The following ABCB1 variants were observed in gnomAD, a reference collection of about 807,000 sequenced individuals.
ABCB1 encodes ATP binding cassette subfamily B member 1.
Under a neutral mutation model 142.0 loss-of-function variants are expected in ABCB1, and 69 were observed. The observed-to-expected ratio is 0.49, with a 90% CI of 0.40 to 0.59. The LOEUF (loss-of-function observed/expected upper bound fraction) is 0.59. Ranked by LOEUF, ABCB1 falls within the 20% of genes least tolerant of loss-of-function variation. ABCB1 has a pLI of 0.00. For synonymous variants in ABCB1, 532 were observed against 539.2 expected, an observed-to-expected ratio of 0.99 and a Z score of 0.18; for missense variants, 1,326 against 1,554.7, an observed-to-expected ratio of 0.85 and a Z score of 2.47.
At chr7:87,619,746 ATGTGTG>A (rs778899617) in intron 1 of ABCB1, among the ~76,000 whole-genome samples, 3 of 146,048 alleles carry the variant, frequency 2.1e-5, no homozygotes, top group South Asian at 2.2e-4. Context: ...ACACAAACAC[ATGTGTG>A]TGTGTGTGTG....
chr7:87,660,994 A>G (rs1824647433), intron 1 of ABCB1, among the ~76,000 whole-genome samples: 1 of 152,048 alleles, frequency 6.6e-6, no homozygotes, highest in Non-Finnish European at 1.5e-5. Flanking sequence ...TAAATGTCCC[A>G]TCTTGAGAAG....
chr7:87,699,326 T>A (rs923237033), intron 1 of ABCB1, among the ~76,000 whole-genome samples: 1 of 152,190 alleles, frequency 6.6e-6, no homozygotes, highest in Non-Finnish European at 1.5e-5. Flanking sequence ...CTAAAGAAAG[T>A]ATTAAGATGT....
rs1465156359 is a variant in ABCB1, at chr7:87,550,132, C to G, written c.1350+39G>C. ...ATCAGAAAGATGTGCAATGTGACTG[C>G]TGATCACCGCAGGGTCTAGCTCGCA... is the stretch of plus-strand genomic sequence containing the variant. On this transcript the variant is annotated intron_variant, in intron 12 of 27. Coordinates refer to ENST00000622132, the MANE Select transcript of ABCB1 (RefSeq NM_001348946.2). 4.3e-6 allele frequency: 7 copies of G among 1,614,002 alleles called. No homozygotes were observed. In the East Asian group the frequency reaches 1.6e-4, roughly 36 times the overall value.
At chr7:87,560,315 ATATATT>A (rs1295110618) in intron 8 of ABCB1, among the ~76,000 whole-genome samples, 1 of 152,204 alleles carries the variant, frequency 6.6e-6, no homozygotes, top group African/African-American at 2.4e-5. Flanking sequence ...CTCAGAAGAC[ATATATT>A]TATATGTGTG....
intron 1 of ABCB1, among the ~76,000 whole-genome samples, chr7:87,663,639 A>G (rs1345561599): frequency 6.6e-6 from 1 of 152,186 alleles, no homozygotes; most frequent in Non-Finnish European, 1.5e-5. Context: ...GAAAAATCTT[A>G]CTGAACTTAG....
chr7:87,553,430 C>T (rs1201946691), intron 9 of ABCB1, among the ~76,000 whole-genome samples: 1 of 149,416 alleles, frequency 6.7e-6, no homozygotes, highest in African/African-American at 2.5e-5. Context: ...ACGCCATTCT[C>T]TTGCCTCAGC....
chr7:87,565,525 A>G (rs1156241232), intron 7 of ABCB1: 3 of 432,852 alleles, frequency 6.9e-6, no homozygotes, highest in African/African-American at 6.1e-5. Flanking sequence ...ACTAGAAAGT[A>G]TCTGTTTTCT....
chr7:87,525,509 TAAAC>T (rs1424797335), intron 21 of ABCB1, among the ~76,000 whole-genome samples: 2 of 152,136 alleles, frequency 1.3e-5, no homozygotes, highest in East Asian at 3.9e-4. Flanking sequence ...ACCAATAACA[TAAAC>T]AGTCAATTAA....
At chr7:87,600,725 A>T (rs201559749) in intron 1 of ABCB1, 30 bp downstream of exon 1, 16 of 155,168 alleles carry the variant, frequency 1.0e-4, no homozygotes, top group Non-Finnish European at 2.3e-4. Context: ...GAACTGTCCC[A>T]TAGTAGCTCC....
chr7:87,549,319 C>T (rs2129700464), intron 14 of ABCB1, 29 bp downstream of exon 14: 1 of 1,614,012 alleles, frequency 6.2e-7, no homozygotes, highest in African/African-American at 1.3e-5. Flanking sequence ...GCTTATAAAT[C>T]AGGTTGGTTT....
At chr7:87,524,780 A>C (rs1020274046) in intron 21 of ABCB1, among the ~76,000 whole-genome samples, 2 of 152,166 alleles carry the variant, frequency 1.3e-5, no homozygotes, top group Admixed American at 6.6e-5. Flanking sequence ...ACAAGCAAAA[A>C]AAAAAAGAAA....
intron 4 of ABCB1, among the ~76,000 whole-genome samples, chr7:87,577,596 C>T (rs1358835465): frequency 1.3e-5 from 2 of 152,132 alleles, no homozygotes; most frequent in Non-Finnish European, 2.9e-5. Context: ...TTGTTATTGC[C>T]TATCTTTGGC....
chr7:87,620,328 T>C (rs1323417468), intron 1 of ABCB1, among the ~76,000 whole-genome samples: 2 of 152,044 alleles, frequency 1.3e-5, no homozygotes, highest in Non-Finnish European at 2.9e-5. Flanking sequence ...CCCAGCTAAT[T>C]TTTGTATTTT....
intron 1 of ABCB1, among the ~76,000 whole-genome samples, chr7:87,703,914 G>GTTTTTTTTTTTTTTTTTTTTTTTT (rs35797972): frequency 3.0e-4 from 13 of 42,972 alleles, no homozygotes; most frequent in African/African-American, 3.8e-4. Flanking sequence ...TTTTTTTTTG[G>GTTTTTTTTTTTTTTTTTTTTTTTT]TTTTTTTTTT....
At chr7:87,571,232 T>A (rs1448112331) in intron 4 of ABCB1, among the ~76,000 whole-genome samples, 1 of 152,188 alleles carries the variant, frequency 6.6e-6, no homozygotes, top group Non-Finnish European at 1.5e-5. Context: ...GAAGAATGGG[T>A]AAGCCTGTTT....
intron 1 of ABCB1, among the ~76,000 whole-genome samples, chr7:87,671,641 G>T (rs1412719177): frequency 6.6e-6 from 1 of 152,060 alleles, no homozygotes; most frequent in Non-Finnish European, 1.5e-5. Context: ...TGGCCCAAAG[G>T]CACCTGTAAG....
At chr7:87,673,299 T>A (rs1045734087) in intron 1 of ABCB1, among the ~76,000 whole-genome samples, 2 of 152,242 alleles carry the variant, frequency 1.3e-5, no homozygotes, top group Non-Finnish European at 2.9e-5. Flanking sequence ...ATGGTTGTTA[T>A]CCTCAAATAT....
At chr7:87,544,516 C>G (rs753328691) in intron 16 of ABCB1, among the ~76,000 whole-genome samples, 4 of 152,140 alleles carry the variant, frequency 2.6e-5, no homozygotes, top group African/African-American at 4.8e-5. Context: ...TCCACAAACA[C>G]TTACTTTTAT....
At position 87,697,018 on chromosome 7, in the gene ABCB1, C is replaced by T. The variant is rs28381733; in HGVS notation, c.-331+16143G>A. 9.6e-3 allele frequency among the ~76,000 whole-genome samples: 1,456 copies of T among 152,248 alleles called. 10 individuals are homozygous for T. Among genetic ancestry groups the T allele is most frequent in the Middle Eastern group, 0.017 (5 of 294 alleles). Reference sequence around the variant, plus strand: ...TACTCTTTGGTTTTCAACAGCTCTACTTTGAAACATCCTACAAGTTATTTT... The same window carrying T: ...TACTCTTTGGTTTTCAACAGCTCTATTTTGAAACATCCTACAAGTTATTTT... On this transcript the variant is annotated intron_variant, in intron 1 of 28. Coordinates refer to the ABCB1 transcript ENST00000265724.
Sources: allele counts gnomAD v4.1 joint callset (sites outside exome capture counted in the v4.1 genomes callset), GRCh38; gene constraint gnomAD v4.1.1; transcripts MANE v1.5; gene names NCBI Gene and HGNC (gene_info 2026-07-23, HGNC 2026-07-21).